Variants in DNMT3A observed in about 807,000 individuals in gnomAD.
The protein encoded by DNMT3A is DNA methyltransferase 3 alpha.
A neutral mutation model predicts 117.6 loss-of-function variants in DNMT3A; 267 were observed. The ratio of observed to expected loss-of-function variants is 2.27; its 90% CI spans 2.05 to 2.51. The LOEUF (loss-of-function observed/expected upper bound fraction) is 2.51. Among genes scored for constraint, DNMT3A ranks in the 30% most tolerant of loss-of-function variants. The pLI is 0.00. For synonymous variants in DNMT3A, 432 were observed against 474.8 expected, an observed-to-expected ratio of 0.91 and a Z score of 1.17; for missense variants, 1,029 against 1,260.2, an observed-to-expected ratio of 0.82 and a Z score of 2.78.
At chr2:25,324,329 G>T (rs1403141647) in intron 1 of DNMT3A, among the ~76,000 whole-genome samples, 2 of 152,212 alleles carry the variant, frequency 1.3e-5, no homozygotes, top group Non-Finnish European at 2.9e-5. Context: ...GCTTAAAGAG[G>T]TTTAATACCT....
rs142057723 is a variant in DNMT3A, at chr2:25,237,765, CAA to C, written c.2409-762_2409-761del. On this transcript the variant is annotated intron_variant, in intron 20 of 22. Transcript: ENST00000321117. This position sits in a 1 kb window ranked among gnomAD's most constrained non-coding sequence, Gnocchi z 5.4. ...GGGCGACAGAGCAAGACTCTGTCTC[CAA>C]AAAAAAAAAAAACCAGACTTAAATT... 6.3e-5 allele frequency among the ~76,000 whole-genome samples: 7 copies of C among 110,292 alleles called. No individual in the cohort carries two copies. Among genetic ancestry groups the C allele is most frequent in the Non-Finnish European group, 7.8e-5 (4 of 51,460 alleles). 72.4% of individuals were successfully genotyped at this position (110,292 alleles called of 152,430 possible). A position where few individuals can be genotyped will look rare whatever the true frequency, so the allele number is the denominator to read the frequency against.
chr2:25,250,791 G>A (rs905200444), intron 6 of DNMT3A, among the ~76,000 whole-genome samples: 1 of 152,212 alleles, frequency 6.6e-6, no homozygotes, highest in Non-Finnish European at 1.5e-5. Context: ...CGAGGCCCCT[G>A]AGCCAGTACG....
chr2:25,327,576 G>A lies in DNMT3A; in HGVS notation c.-177-13415C>T, dbSNP rs2034834621. ...ATTCTGCAGCTTTGTCTCTGGGGCT[G>A]TCCGGGAGTCTTGATCCCACTTCTG... On this transcript the variant is annotated intron_variant, in intron 1 of 22. Transcript: ENST00000321117. The surrounding 1 kb of genome is among the most constrained non-coding windows in gnomAD (Gnocchi z 4.1). 6.6e-6 allele frequency among the ~76,000 whole-genome samples: 1 copy of A among 152,156 alleles called. No homozygotes were observed. The highest frequency in any genetic ancestry group is 6.5e-5 in the Admixed American group (1 of 15,284).
At position 25,237,125 on chromosome 2, in the gene DNMT3A, C is replaced by A; in HGVS notation, c.2409-120G>T. On this transcript the variant is annotated intron_variant, in intron 20 of 22. Coordinates refer to ENST00000321117, the MANE Select transcript of DNMT3A (RefSeq NM_022552.5). This position sits in a 1 kb window ranked among gnomAD's most constrained non-coding sequence, Gnocchi z 5.4. ...TAGTTCACAGGGTAAGAGCCCCTTC[C>A]CCAAATCACGCACACACGTCATAAC... 1 of 922,022 alleles carries A rather than the reference C, an allele frequency of 1.1e-6. No individual in the cohort carries two copies. Among genetic ancestry groups the A allele is most frequent in the Non-Finnish European group, 1.7e-6 (1 of 603,106 alleles). The allele number at this position is 922,022 out of a possible 1,614,324, so 57.1% of individuals were successfully genotyped here. A position where few individuals can be genotyped will look rare whatever the true frequency, so the allele number is the denominator to read the frequency against.
chr2:25,289,553 G>C (rs937457513), intron 3 of DNMT3A, among the ~76,000 whole-genome samples: 2 of 152,158 alleles, frequency 1.3e-5, no homozygotes, highest in African/African-American at 4.8e-5. Context: ...GCCTGCCTTG[G>C]GTCACACGCC....
chr2:25,240,392 C>T lies in DNMT3A; in HGVS notation c.2232G>A (p.Lys744=), dbSNP rs944224150. The change falls in exon 19 of 23, where the codon AAG becomes AAA. Residue 744 remains lysine, a synonymous_variant. Coordinates refer to ENST00000321117, the MANE Select transcript of DNMT3A (RefSeq NM_022552.5). ...FYRLLHDARP[K]EGDDRPFFWL... is the part of the protein sequence containing the mutation. ...AGAAGAAGGGGCGATCATCTCCCTC[C>T]TTGGGCCGCGCATCATGCAGGAGGC... is the stretch of plus-strand genomic sequence containing the variant. 5 of 1,613,976 alleles carry T rather than the reference C, an allele frequency of 3.1e-6. No homozygotes were observed. Among genetic ancestry groups the T allele is most frequent in the Admixed American group, 1.7e-5 (1 of 60,018 alleles).
At position 25,264,266 on chromosome 2, in the gene DNMT3A, A is replaced by G. The variant is rs554084802; in HGVS notation, c.639+10675T>C. On this transcript the variant is annotated intron_variant, in intron 6 of 22. Coordinates refer to ENST00000321117, the MANE Select transcript of DNMT3A (RefSeq NM_022552.5). ...ACGATTCTTGTGCCTCAGCCTTCCA[A>G]GTAGCTGGGATTACAGGCATGTGCC... 3.3e-5 allele frequency among the ~76,000 whole-genome samples: 5 copies of G among 149,920 alleles called. No homozygotes were observed. In the East Asian group the frequency reaches 9.9e-4, roughly 30 times the overall value.
Position 25,339,980 on chromosome 2 carries a change from G to T in DNMT3A, c.-178+1846C>A, listed in dbSNP as rs1318827927. Among the ~76,000 whole-genome samples the T allele has an allele frequency of 6.6e-6, 1 of 152,182 alleles. No homozygotes were observed. The highest frequency in any genetic ancestry group is 1.5e-5 in the Non-Finnish European group (1 of 68,038). ...CCGCTGGCAGCCTAGGGTGAAACATGAAGACTGAGCAGGCCCTCAGGGATG... is the reference window on the plus strand; with the variant it reads ...CCGCTGGCAGCCTAGGGTGAAACATTAAGACTGAGCAGGCCCTCAGGGATG... On this transcript the variant is annotated intron_variant, in intron 1 of 22. Transcript: ENST00000321117. This position sits in a 1 kb window ranked among gnomAD's most constrained non-coding sequence, Gnocchi z 4.9.
At chr2:25,309,830 G>A (rs2034005559) in intron 2 of DNMT3A, among the ~76,000 whole-genome samples, 1 of 152,174 alleles carries the variant, frequency 6.6e-6, no homozygotes, top group South Asian at 2.1e-4. Context: ...GAGGCGGGTG[G>A]ATCATGAGGT....
Position 25,299,333 on chromosome 2 carries a change from C to T in DNMT3A, c.177+806G>A, listed in dbSNP as rs569222821. 1.2e-4 allele frequency among the ~76,000 whole-genome samples: 18 copies of T among 152,306 alleles called. No individual in the cohort carries two copies. In the South Asian group the frequency reaches 3.7e-3, roughly 32 times the overall value. On this transcript the variant is annotated intron_variant, in intron 3 of 22. Transcript: ENST00000321117. ...CCTGCAGGACTTCCTTCCCCAGGGC[C>T]CTGGTTCTCCTGCTGCCTCACAGAG...
intron 2 of DNMT3A, among the ~76,000 whole-genome samples, chr2:25,308,431 C>T (rs1278607588): frequency 6.6e-6 from 1 of 152,136 alleles, no homozygotes; most frequent in African/African-American, 2.4e-5. Context: ...AGATTAACTA[C>T]ATTTGACATG....
At position 25,252,233 on chromosome 2, in the gene DNMT3A, G is replaced by A; in HGVS notation, c.640-3981C>T. The A allele has an allele frequency of 6.5e-7, 1 of 1,535,928 alleles. No homozygotes were observed. Among genetic ancestry groups the A allele is most frequent in the African/African-American group, 1.4e-5 (1 of 71,098 alleles). On this transcript the variant is annotated intron_variant, in intron 6 of 22. Coordinates refer to ENST00000321117, the MANE Select transcript of DNMT3A (RefSeq NM_022552.5). The surrounding 1 kb of genome is among the most constrained non-coding windows in gnomAD (Gnocchi z 5.5). ...GCAGCCCCTCTGCAGTCGCGCTCAG[G>A]TGTGAGCCGCGGCCCTGAAGCTCTG...
chr2:25,299,239 C>A (rs1395064719), intron 3 of DNMT3A, among the ~76,000 whole-genome samples: 2 of 152,232 alleles, frequency 1.3e-5, no homozygotes, highest in Non-Finnish European at 2.9e-5. Flanking sequence ...TTCTCCAGAG[C>A]TGCCCCCAGG....
intron 2 of DNMT3A, among the ~76,000 whole-genome samples, chr2:25,300,601 AT>A (rs2033377804): frequency 1.1e-4 from 1 of 9,492 alleles, no homozygotes; most frequent in African/African-American, 2.1e-4. Context: ...ACCCATATAT[AT>A]ATCTAAATAA....
At chr2:25,341,395 G>A (rs1321039963) in intron 1 of DNMT3A, among the ~76,000 whole-genome samples, 2 of 145,742 alleles carry the variant, frequency 1.4e-5, no homozygotes, top group African/African-American at 4.9e-5. Context: ...GCGGGGCCGC[G>A]GGGCTGGGGC....
At chr2:25,290,389 C>T (rs528186971) in intron 3 of DNMT3A, among the ~76,000 whole-genome samples, 1 of 148,822 alleles carries the variant, frequency 6.7e-6, no homozygotes, top group Admixed American at 6.7e-5. Flanking sequence ...GGTGTGATCT[C>T]GTCTCATTAC....
rs1422027943 is a variant in DNMT3A at position 25,286,476 on chromosome 2, C to T, written c.178-3765G>A. On this transcript the variant is annotated intron_variant, in intron 3 of 22. Coordinates refer to ENST00000321117, the MANE Select transcript of DNMT3A (RefSeq NM_022552.5). This position sits in a 1 kb window ranked among gnomAD's most constrained non-coding sequence, Gnocchi z 4.3. ...CATCTGGTCCACACCATCCTCTGCCCAACCATCCCCTCCTGCTCACCTGCT... is the reference window on the plus strand; with the variant it reads ...CATCTGGTCCACACCATCCTCTGCCTAACCATCCCCTCCTGCTCACCTGCT... 6.6e-6 allele frequency among the ~76,000 whole-genome samples: 1 copy of T among 152,210 alleles called. No homozygotes were observed.
At chr2:25,240,529 C>T (rs576651602) in intron 18 of DNMT3A, 79 bp from the exon 19 acceptor site, 190 of 1,580,966 alleles carry the variant, frequency 1.2e-4, no homozygotes, top group Non-Finnish European at 1.4e-4. Flanking sequence ...GGGGAGGGCA[C>T]GGGAAGACAG....
At chr2:25,235,655 A>G in intron 22 of DNMT3A, 52 bp downstream of exon 22, 2 of 1,448,218 alleles carry the variant, frequency 1.4e-6, no homozygotes, top group Non-Finnish European at 1.9e-6. Flanking sequence ...CGCAGCAAGC[A>G]CAGCAATCAG....
Sources: allele counts gnomAD v4.1 joint callset (sites outside exome capture counted in the v4.1 genomes callset), GRCh38; gene constraint gnomAD v4.1.1; non-coding constraint Gnocchi (gnomAD v3.1); transcripts MANE v1.5; gene names NCBI Gene and HGNC (gene_info 2026-07-23, HGNC 2026-07-21).